The following SLC10A6 variants were observed in gnomAD, a reference collection of about 807,000 sequenced individuals.
SLC10A6 encodes solute carrier family 10 member 6.
In SLC10A6, 27 loss-of-function variants were observed where a neutral mutation model predicts 30.0. The ratio of observed to expected loss-of-function variants is 0.90; its 90% CI spans 0.66 to 1.24. The LOEUF is 1.24. Among genes scored for constraint, SLC10A6 ranks in the 50% most tolerant of loss-of-function variants. The pLI, the probability that SLC10A6 is intolerant of heterozygous loss-of-function variation, is 0.00. For synonymous variants in SLC10A6, 166 were observed against 173.8 expected (o/e 0.95, Z 0.36); for missense variants, 439 against 457.0 (o/e 0.96, Z 0.36).
intron 1 of SLC10A6, among the ~76,000 whole-genome samples, chr4:86,844,638 T>C (rs1746362738): frequency 6.6e-6 from 1 of 152,222 alleles, no homozygotes; most frequent in Admixed American, 6.5e-5. Flanking sequence ...AGGTCTAGGC[T>C]AGTCTACTAG....
At chr4:86,842,850 CT>C (rs1239423909) in intron 1 of SLC10A6, among the ~76,000 whole-genome samples, 21 of 34,194 alleles carry the variant, frequency 6.1e-4, no homozygotes, top group Non-Finnish European at 9.2e-4. Context: ...TTCTTTCTTT[CT>C]TTCTTTCTTT....
Position 86,823,702 on chromosome 4 carries a change from T to A in SLC10A6, c.1120A>T (p.Thr374Ser). 1 of 1,608,360 alleles carries A rather than the reference T, an allele frequency of 6.2e-7. No homozygotes were observed. Among genetic ancestry groups the A allele is most frequent in the Non-Finnish European group, 8.5e-7 (1 of 1,177,626 alleles). The change falls in exon 6 of 6, where the codon ACT (threonine) becomes TCT (serine). Residue 374 changes from threonine (T) to serine (S), a missense_variant. Coordinates refer to ENST00000273905, the MANE Select transcript of SLC10A6 (RefSeq NM_197965.3). Reference protein sequence around the residue: ...HRALEPVGHITSCE With the variant: ...HRALEPVGHISSCE ...GCTAGTCCCTGCTATTCACATGAAG[T>A]GATGTGGCCAACTGGCTCGAGAGCC... is the stretch of plus-strand genomic sequence containing the variant.
In SLC10A6 at chr4:86,823,892, C is replaced by T. The variant is rs144953335; in HGVS notation, c.930G>A (p.Thr310=). The change falls in exon 6 of 6, where the codon ACG becomes ACA. Residue 310 remains threonine, a synonymous_variant. Transcript: ENST00000273905. ...DGFLIVAAYQ[T]YKRRLKNKHG... ...GTTTGTTCTTCAATCTCCTCTTGTACGTCTGATATGCTAGGTGTTAAAACA... is the reference window on the plus strand; with the variant it reads ...GTTTGTTCTTCAATCTCCTCTTGTATGTCTGATATGCTAGGTGTTAAAACA... 81 of 1,608,960 alleles carry T rather than the reference C, an allele frequency of 5.0e-5. 1 individual carries two copies. Among genetic ancestry groups the T allele is most frequent in the East Asian group, 6.7e-5 (3 of 44,838 alleles).
At chr4:86,831,727 C>T in intron 3 of SLC10A6, 65 bp downstream of exon 3, 1 of 1,343,024 alleles carries the variant, frequency 7.4e-7, no homozygotes, top group Non-Finnish European at 1.1e-6. Flanking sequence ...CCAGCCACTG[C>T]TCACTTCTGT....
At chr4:86,836,048 C>T (rs376917516) in intron 1 of SLC10A6, among the ~76,000 whole-genome samples, 9 of 152,074 alleles carry the variant, frequency 5.9e-5, no homozygotes, top group South Asian at 4.1e-4. Flanking sequence ...GTTTGTGAGC[C>T]GGACGAACCA....
chr4:86,825,058 T>A (rs1286730319), intron 5 of SLC10A6, among the ~76,000 whole-genome samples: 1 of 152,216 alleles, frequency 6.6e-6, no homozygotes, highest in African/African-American at 2.4e-5. Context: ...AGGCTTTTAA[T>A]GAGACCTAAC....
chr4:86,838,693 C>T (rs1365918471), intron 1 of SLC10A6, among the ~76,000 whole-genome samples: 2 of 152,008 alleles, frequency 1.3e-5, no homozygotes, highest in South Asian at 2.1e-4. Context: ...GAGGCCAAGG[C>T]GTGCAGATTA....
chr4:86,842,906 C>T (rs541002371), intron 1 of SLC10A6, among the ~76,000 whole-genome samples: 11 of 138,494 alleles, frequency 7.9e-5, no homozygotes, highest in Admixed American at 3.8e-4. Context: ...CTCGCTCTGT[C>T]ACTTGCCCAG....
intron 1 of SLC10A6, chr4:86,837,587 C>A (rs1746222976): frequency 2.0e-6 from 2 of 985,204 alleles, no homozygotes; most frequent in South Asian, 4.7e-5. Context: ...CTTTTTGGTG[C>A]CTTCCATCCC....
At chr4:86,835,713 AAAG>A (rs1027455365) in intron 1 of SLC10A6, among the ~76,000 whole-genome samples, 16 of 149,098 alleles carry the variant, frequency 1.1e-4, no homozygotes, top group African/African-American at 4.1e-4. Flanking sequence ...GAAAAGAAGA[AAAG>A]AAAGAAAAGG....
Position 86,833,347 on chromosome 4 carries a change from C to G in SLC10A6, c.455G>C (p.Trp152Ser), listed in dbSNP as rs750797622. The change falls in exon 2 of 6, where the codon TGG becomes TCG. Residue 152 changes from tryptophan (W) to serine (S), a missense_variant. Coordinates refer to ENST00000273905, the MANE Select transcript of SLC10A6 (RefSeq NM_197965.3). Reference sequence around the variant, plus strand: ...AATGGTGAGATTCTGCTGAAGACTCCAGGACCAGGTGTAGAGATAAATGCA... The same window carrying G: ...AATGGTGAGATTCTGCTGAAGACTCGAGGACCAGGTGTAGAGATAAATGCA... ...PLCIYLYTWS[W>S]SLQQNLTIPY... is the part of the protein sequence containing the mutation. 4.3e-6 allele frequency: 7 copies of G among 1,614,054 alleles called. No homozygotes were observed. Among genetic ancestry groups the G allele is most frequent in the Non-Finnish European group, 5.1e-6 (6 of 1,179,960 alleles).
chr4:86,828,276 A>C lies in SLC10A6; in HGVS notation c.586-108T>G. 2.5e-6 allele frequency: 3 copies of C among 1,217,792 alleles called. No homozygotes were observed. In the South Asian group the frequency reaches 5.1e-5, roughly 21 times the overall value. 75.4% of individuals were successfully genotyped at this position (1,217,792 alleles called of 1,614,324 possible). ...TTGGGATCTAGAAATTTTAGAACAA[A>C]GAAGGGACTTAGAGATGACTAAATA... On this transcript the variant is annotated intron_variant, in intron 3 of 5. Coordinates refer to ENST00000273905, the MANE Select transcript of SLC10A6 (RefSeq NM_197965.3).
intron 1 of SLC10A6, among the ~76,000 whole-genome samples, chr4:86,839,818 C>T (rs1746260151): frequency 1.3e-5 from 2 of 152,126 alleles, no homozygotes; most frequent in Admixed American, 1.3e-4. Context: ...CTACATTTCA[C>T]AATCTTGCCT....
At chr4:86,837,414 T>C (rs906202981) in intron 1 of SLC10A6, among the ~76,000 whole-genome samples, 8 of 151,974 alleles carry the variant, frequency 5.3e-5, no homozygotes, top group African/African-American at 1.9e-4. Flanking sequence ...TAAATATACA[T>C]AATTTAACTT....
chr4:86,848,646 A>C, intron 1 of SLC10A6, 93 bp downstream of exon 1: 1 of 1,420,914 alleles, frequency 7.0e-7, no homozygotes, highest in Non-Finnish European at 9.5e-7. Flanking sequence ...AATCTCTACC[A>C]AAAGATTAGA....
At chr4:86,831,126 C>G (rs866228199) in intron 3 of SLC10A6, among the ~76,000 whole-genome samples, 1 of 152,224 alleles carries the variant, frequency 6.6e-6, no homozygotes, top group Admixed American at 6.5e-5. Context: ...ATGTGAGCCA[C>G]TGCACCTGGC....
At chr4:86,826,809 A>G (rs1365620014) in intron 4 of SLC10A6, among the ~76,000 whole-genome samples, 1 of 152,126 alleles carries the variant, frequency 6.6e-6, no homozygotes, top group Non-Finnish European at 1.5e-5. Context: ...TCCAGTTTAT[A>G]AAGGGAGCCT....
intron 5 of SLC10A6, 144 bp downstream of exon 5, chr4:86,825,276 T>C (rs1486426959): frequency 1.6e-6 from 1 of 642,916 alleles, no homozygotes; most frequent in Non-Finnish European, 2.6e-6. Context: ...CCTGTCTATG[T>C]GCCTTATCGT....
At chr4:86,837,302 G>GAGAAA (rs1746213900) in intron 1 of SLC10A6, among the ~76,000 whole-genome samples, 1 of 114,132 alleles carries the variant, frequency 8.8e-6, no homozygotes, top group Non-Finnish European at 1.8e-5. Flanking sequence ...AGGAAGGAAG[G>GAGAAA]AAGGAAGGAA....
Sources: allele counts gnomAD v4.1 joint callset (sites outside exome capture counted in the v4.1 genomes callset), GRCh38; gene constraint gnomAD v4.1.1; transcripts MANE v1.5; gene names NCBI Gene and HGNC (gene_info 2026-07-23, HGNC 2026-07-21).